Variants in NHSL1 observed in about 807,000 individuals in gnomAD.
NHSL1 encodes NHS like 1, also known as NHS-like protein 1.
A neutral mutation model predicts 95.0 loss-of-function variants in NHSL1; 48 were observed. The observed-to-expected ratio is 0.51, with a 90% confidence interval of 0.40 to 0.64. The LOEUF (loss-of-function observed/expected upper bound fraction) is 0.64, where lower values mean the gene tolerates loss of function less well. Ranked by LOEUF, NHSL1 falls within the 30% of genes least tolerant of loss-of-function variation. The pLI is 0.00. For synonymous variants in NHSL1, 783 were observed against 833.9 expected, an observed-to-expected ratio of 0.94 and a Z score of 1.05; for missense variants, 1,971 against 2,077.7, an observed-to-expected ratio of 0.95 and a Z score of 1.00.
At chr6:138,530,608 A>T (rs999113284) in intron 1 of NHSL1, among the ~76,000 whole-genome samples, 2 of 152,242 alleles carry the variant, frequency 1.3e-5, no homozygotes, top group Non-Finnish European at 2.9e-5. Flanking sequence ...ATAAAGTGGA[A>T]TGAAATAATG....
chr6:138,615,125 C>T (rs1051231623), intron 1 of NHSL1, among the ~76,000 whole-genome samples: 7 of 152,166 alleles, frequency 4.6e-5, no homozygotes, highest in Non-Finnish European at 5.9e-5. Flanking sequence ...ATTATGGAAA[C>T]CTCAGGCCCC....
intron 5 of NHSL1, among the ~76,000 whole-genome samples, chr6:138,439,574 T>C (rs564908381): frequency 6.6e-6 from 1 of 152,332 alleles, no homozygotes; most frequent in East Asian, 1.9e-4. Context: ...AATAAAACTG[T>C]ATACAAATGT....
At chr6:138,559,070 A>G (rs78601495) in intron 1 of NHSL1, among the ~76,000 whole-genome samples, 2 of 152,026 alleles carry the variant, frequency 1.3e-5, no homozygotes, top group African/African-American at 4.8e-5. Flanking sequence ...AAAAAAAAAA[A>G]GAAAACCACC....
At chr6:138,427,197 T>A (rs1775320189) in intron 7 of NHSL1, among the ~76,000 whole-genome samples, 1 of 152,222 alleles carries the variant, frequency 6.6e-6, no homozygotes, top group African/African-American at 2.4e-5. Context: ...AGTAAAACTA[T>A]GACCTTTAAT....
At chr6:138,519,152 T>C (rs1306679829) in intron 1 of NHSL1, among the ~76,000 whole-genome samples, 1 of 151,894 alleles carries the variant, frequency 6.6e-6, no homozygotes, top group Non-Finnish European at 1.5e-5. Flanking sequence ...ACTGCGTAAA[T>C]AAGCCTCCTC....
At chr6:138,666,061 TG>T (rs1470747826) in intron 1 of NHSL1, among the ~76,000 whole-genome samples, 1 of 152,218 alleles carries the variant, frequency 6.6e-6, no homozygotes, top group African/African-American at 2.4e-5. Context: ...CCCAGCACTT[TG>T]GGAGGCCAAG....
At chr6:138,463,058 CTTCT>C (rs926384595) in intron 3 of NHSL1, among the ~76,000 whole-genome samples, 3 of 152,178 alleles carry the variant, frequency 2.0e-5, no homozygotes, top group Non-Finnish European at 4.4e-5. Context: ...ATCCTCAACT[CTTCT>C]TTGTCTCATA....
At chr6:138,576,008 T>TA (rs1783965675), upstream of NHSL1, among the ~76,000 whole-genome samples, 2 of 151,470 alleles carry the variant, frequency 1.3e-5, no homozygotes, top group Admixed American at 6.6e-5. Context: ...TTTATTTATT[T>TA]TGAGGCAGAG....
chr6:138,655,563 A>C (rs1213234113), intron 1 of NHSL1, among the ~76,000 whole-genome samples: 1 of 152,234 alleles, frequency 6.6e-6, no homozygotes, highest in Non-Finnish European at 1.5e-5. Flanking sequence ...ACTAGTTTAC[A>C]ACACTAAGAT....
intron 1 of NHSL1, among the ~76,000 whole-genome samples, chr6:138,635,710 A>ATT (rs1386797010): frequency 6.6e-6 from 1 of 152,182 alleles, no homozygotes; most frequent in East Asian, 1.9e-4. Flanking sequence ...CCAAAAACAC[A>ATT]GACACATCAA....
intron 1 of NHSL1, among the ~76,000 whole-genome samples, chr6:138,551,810 G>T (rs1583399719): frequency 6.6e-6 from 1 of 152,146 alleles, no homozygotes; most frequent in Admixed American, 6.5e-5. Flanking sequence ...TATGGAACGC[G>T]GGTTTTTGCT....
intron 3 of NHSL1, among the ~76,000 whole-genome samples, chr6:138,456,904 G>C (rs189713308): frequency 2.5e-4 from 38 of 151,258 alleles, no homozygotes; most frequent in South Asian, 6.3e-4. Context: ...TTTGGAGATG[G>C]AGTCTCACTT....
At chr6:138,606,702 C>CTTTTTTTTTTTTTTTTTTTT (rs777156294) in intron 1 of NHSL1, among the ~76,000 whole-genome samples, 3 of 123,414 alleles carry the variant, frequency 2.4e-5, no homozygotes, top group Admixed American at 9.0e-5. Context: ...TTCTTTCTTT[C>CTTTTTTTTTTTTTTTTTTTT]TTTTTTTTTT....
chr6:138,504,630 C>T (rs1194394934), intron 1 of NHSL1, among the ~76,000 whole-genome samples: 2 of 152,152 alleles, frequency 1.3e-5, no homozygotes, highest in Non-Finnish European at 2.9e-5. Context: ...CAGGGTCTTG[C>T]TTGCCACCGT....
At chr6:138,691,875 G>A (rs756477324) in intron 1 of NHSL1, 1 of 456,630 alleles carries the variant, frequency 2.2e-6, no homozygotes, top group South Asian at 1.5e-5. Flanking sequence ...ATCACAAAGA[G>A]CTGGTGGGTC....
At chr6:138,517,175 C>A (rs1781494267) in intron 1 of NHSL1, among the ~76,000 whole-genome samples, 1 of 152,158 alleles carries the variant, frequency 6.6e-6, no homozygotes, top group Non-Finnish European at 1.5e-5. Flanking sequence ...AAGACGACAC[C>A]AACAGTCCAG....
intron 3 of NHSL1, among the ~76,000 whole-genome samples, chr6:138,469,789 A>G (rs1039199213): frequency 2.6e-5 from 4 of 152,130 alleles, no homozygotes; most frequent in Non-Finnish European, 5.9e-5. Context: ...AGAGTGCTGC[A>G]ATTAATCGAA....
chr6:138,666,167 G>A (rs6570253), intron 1 of NHSL1, among the ~76,000 whole-genome samples: 6,098 of 152,282 alleles, frequency 0.04, 318 homozygotes, highest in African/African-American at 0.12. Context: ...GCCAAGTGTG[G>A]TGGTGCACGC....
In NHSL1 at chr6:138,538,714, G is replaced by A. The variant is rs141136439; in HGVS notation, c.16+6909C>T. Among the ~76,000 whole-genome samples the A allele has an allele frequency of 5.8e-3, 890 of 152,320 alleles. 10 individuals carry two copies. The highest frequency in any genetic ancestry group is 0.02 in the African/African-American group (851 of 41,560). Reference sequence around the variant, plus strand: ...ATGGCCTCTTGTGGTCAGCAAAGCCGAGATTTTCTCTTTTGCTCTCAAATG... The same window carrying A: ...ATGGCCTCTTGTGGTCAGCAAAGCCAAGATTTTCTCTTTTGCTCTCAAATG... On this transcript the variant is annotated intron_variant, in intron 1 of 4. Transcript: ENST00000342260.
Sources: gnomAD v4.1 joint callset for allele counts (sites outside exome capture counted in the v4.1 genomes callset) on GRCh38, gnomAD v4.1.1 for gene constraint, MANE v1.5 for transcripts, NCBI Gene and HGNC (gene_info 2026-07-23, HGNC 2026-07-21) for gene names.